Variants in PDE3B observed in about 807,000 individuals in gnomAD.
The protein encoded by PDE3B is phosphodiesterase 3B, also known as cGMP-inhibited 3',5'-cyclic phosphodiesterase 3B.
Under a neutral mutation model 116.8 loss-of-function variants are expected in PDE3B, and 66 were observed. The ratio of observed to expected loss-of-function variants is 0.56; its 90% confidence interval spans 0.46 to 0.69. PDE3B has a LOEUF of 0.69. Among genes scored for constraint, PDE3B ranks in the 30% least tolerant of loss-of-function variants. PDE3B has a pLI of 0.00. For synonymous variants in PDE3B, 595 were observed against 533.6 expected (o/e 1.12, Z -1.59); for missense variants, 1,384 against 1,368.1 (o/e 1.01, Z -0.18).
chr11:14,668,163 T>C (rs1015151870), intron 1 of PDE3B, among the ~76,000 whole-genome samples: 7 of 152,164 alleles, frequency 4.6e-5, no homozygotes, highest in Non-Finnish European at 1.0e-4. Flanking sequence ...TATCTACTTT[T>C]TCTGAGACAG....
intron 2 of PDE3B, chr11:14,775,762 C>T (rs187951172): frequency 6.6e-6 from 1 of 152,366 alleles, no homozygotes; most frequent in Admixed American, 6.5e-5. Context: ...GTCTTGAACT[C>T]CCGACCTCAG....
At chr11:14,805,190 A>G (rs1167849304) in intron 5 of PDE3B, among the ~76,000 whole-genome samples, 1 of 152,222 alleles carries the variant, frequency 6.6e-6, no homozygotes, top group Non-Finnish European at 1.5e-5. Flanking sequence ...TCACAGCTAG[A>G]TGTATGAATC....
intron 1 of PDE3B, among the ~76,000 whole-genome samples, chr11:14,652,137 T>A (rs551499923): frequency 6.6e-6 from 1 of 152,308 alleles, no homozygotes; most frequent in African/African-American, 2.4e-5. Context: ...TTAATTTTTG[T>A]ATACAAAATT....
Position 14,867,503 on chromosome 11 carries a change from C to G in PDE3B, c.2887-3C>G. On this transcript the variant is annotated splice_region_variant and splice_polypyrimidine_tract_variant and intron_variant, in intron 14 of 15. Coordinates refer to ENST00000282096, the MANE Select transcript of PDE3B (RefSeq NM_000922.4). ...AATGTACTTTTCTTTTTAAAATATG[C>G]AGGGAGATGAAGAAGCAAATCTTGG... 6 of 1,610,966 alleles carry G rather than the reference C, an allele frequency of 3.7e-6. No individual in the cohort carries two copies. Among genetic ancestry groups the G allele is most frequent in the Non-Finnish European group, 5.1e-6 (6 of 1,178,098 alleles).
intron 12 of PDE3B, among the ~76,000 whole-genome samples, chr11:14,848,177 G>C (rs1847654473): frequency 1.4e-5 from 2 of 139,234 alleles, no homozygotes; most frequent in African/African-American, 5.4e-5. Flanking sequence ...TGCAAGGCTG[G>C]TTCAATATAT....
chr11:14,876,996 C>A (rs190949711), downstream of PDE3B, among the ~76,000 whole-genome samples: 14 of 152,214 alleles, frequency 9.2e-5, no homozygotes, highest in Admixed American at 3.9e-4. Flanking sequence ...ACAACTAAGT[C>A]CAAACTAAGG....
intron 5 of PDE3B, among the ~76,000 whole-genome samples, chr11:14,812,915 A>C (rs564156551): frequency 1.6e-4 from 25 of 152,254 alleles, no homozygotes; most frequent in African/African-American, 5.1e-4. Flanking sequence ...TGATTAGGTC[A>C]TGTGAGTGGA....
At chr11:14,869,075 C>A (rs1250475611) in intron 15 of PDE3B, among the ~76,000 whole-genome samples, 2 of 152,048 alleles carry the variant, frequency 1.3e-5, no homozygotes, top group Non-Finnish European at 2.9e-5. Context: ...TAATTCAATA[C>A]ATAAGAATGC....
At chr11:14,778,034 G>A (rs956855303) in intron 2 of PDE3B, among the ~76,000 whole-genome samples, 4 of 151,912 alleles carry the variant, frequency 2.6e-5, no homozygotes, top group African/African-American at 9.7e-5. Context: ...TGCCTGGCTC[G>A]GGGGGTTCCA....
intron 1 of PDE3B, among the ~76,000 whole-genome samples, chr11:14,691,587 T>C (rs1234822499): frequency 6.6e-6 from 1 of 152,180 alleles, no homozygotes; most frequent in African/African-American, 2.4e-5. Flanking sequence ...CATCAAAATG[T>C]ATTGAATGTT....
At position 14,818,263 on chromosome 11, in the gene PDE3B, A is replaced by G. The variant is rs571716112; in HGVS notation, c.1603A>G (p.Ile535Val). 1.5e-5 allele frequency: 25 copies of G among 1,613,542 alleles called. No individual in the cohort carries two copies. The highest frequency in any genetic ancestry group is 5.0e-5 in the Admixed American group (3 of 59,986). Residue 535 changes from isoleucine to valine, a missense_variant, in exon 6 of 16, where the codon ATA (isoleucine) becomes GTA (valine). Physicochemically the swap from Ile to Val is conservative, Grantham distance 29. This residue lies in a region of PDE3B where 956 missense variants were observed against 806.8 expected (regional missense o/e 1.18). Transcript: ENST00000282096. ...TGGCTCTCTAACTAATCGATCACCC[A>G]TAGAATTTCCTGATACTGCTGATTT... ...STGSLTNRSPIEFPDTADFLN... is the reference protein window; with the variant it reads ...STGSLTNRSPVEFPDTADFLN...
At chr11:14,772,746 T>C (rs1043445318) in intron 2 of PDE3B, 1 of 151,870 alleles carries the variant, frequency 6.6e-6, no homozygotes, top group Non-Finnish European at 1.5e-5. Flanking sequence ...GTATTTAATA[T>C]AAGGAGAAAA....
chr11:14,718,807 C>G (rs1856002829), intron 1 of PDE3B, among the ~76,000 whole-genome samples: 1 of 121,798 alleles, frequency 8.2e-6, no homozygotes, highest in Non-Finnish European at 1.7e-5. Context: ...TAAATGCCCA[C>G]AAGAGAAAGC....
chr11:14,747,171 A>G (rs1856931518), intron 1 of PDE3B, among the ~76,000 whole-genome samples: 1 of 152,204 alleles, frequency 6.6e-6, no homozygotes, highest in Admixed American at 6.5e-5. Flanking sequence ...GTCATCACCA[A>G]GGGGATGATG....
chr11:14,675,138 C>T (rs1854492850), intron 1 of PDE3B, among the ~76,000 whole-genome samples: 1 of 152,116 alleles, frequency 6.6e-6, no homozygotes, highest in Non-Finnish European at 1.5e-5. Context: ...AACTGAAGTT[C>T]TCAGAGTTGG....
chr11:14,684,739 A>T (rs1854817345), intron 1 of PDE3B, among the ~76,000 whole-genome samples: 1 of 152,176 alleles, frequency 6.6e-6, no homozygotes, highest in Non-Finnish European at 1.5e-5. Context: ...CCTTTCCCAG[A>T]GTCTTCATTA....
intron 7 of PDE3B, among the ~76,000 whole-genome samples, chr11:14,827,201 C>T (rs1859722722): frequency 6.6e-6 from 1 of 152,200 alleles, no homozygotes; most frequent in South Asian, 2.1e-4. Context: ...GAGAAACCCA[C>T]AGCCAACATC....
rs142961407 is a variant in PDE3B at position 14,766,235 on chromosome 11, C to T, written c.979-5702C>T. On this transcript the variant is annotated intron_variant, in intron 1 of 15. Coordinates refer to ENST00000282096, the MANE Select transcript of PDE3B (RefSeq NM_000922.4). ...TGCTTGTTGTAGGTTCATTGTATAT[C>T]GTCATATTCTTTTCTCATCTCTATT... is the stretch of plus-strand genomic sequence containing the variant. 2.6e-3 allele frequency among the ~76,000 whole-genome samples: 396 copies of T among 151,514 alleles called. 2 individuals are homozygous for T. Among genetic ancestry groups the T allele is most frequent in the African/African-American group, 8.3e-3 (342 of 41,374 alleles).
At chr11:14,844,285 C>G (rs980912714) in intron 12 of PDE3B, among the ~76,000 whole-genome samples, 4 of 152,202 alleles carry the variant, frequency 2.6e-5, no homozygotes, top group African/African-American at 9.6e-5. Flanking sequence ...AGAGTCCTTG[C>G]TGTCAATATT....
Sources: allele counts gnomAD v4.1 joint callset (sites outside exome capture counted in the v4.1 genomes callset), GRCh38; gene constraint gnomAD v4.1.1; regional missense constraint gnomAD v4.1.1; transcripts MANE v1.5; gene names NCBI Gene and HGNC (gene_info 2026-07-23, HGNC 2026-07-21).